IL1RAPL1: variants seen among roughly 807,000 people sequenced by gnomAD.
IL1RAPL1 encodes interleukin 1 receptor accessory protein like 1, also known as interleukin-1 receptor accessory protein-like 1.
IL1RAPL1 carries 3 observed loss-of-function variants against 48.4 expected under a neutral mutation model. The ratio of observed to expected loss-of-function variants is 0.06; its 90% confidence interval spans 0.03 to 0.16. IL1RAPL1 has a LOEUF of 0.16. Among genes scored for constraint, IL1RAPL1 ranks in the 10% least tolerant of loss-of-function variants. IL1RAPL1 has a pLI of 1.00. For synonymous variants in IL1RAPL1, 185 were observed against 187.7 expected, an observed-to-expected ratio of 0.99 and a Z score of 0.12; for missense variants, 349 against 530.6, an observed-to-expected ratio of 0.66 and a Z score of 3.36.
chrX:28,898,268 T>G (rs779533906), intron 2 of IL1RAPL1, among the ~76,000 whole-genome samples: 10 of 112,113 alleles, frequency 8.9e-5, no homozygotes, highest in Non-Finnish European at 1.3e-4. Context: ...GATTTTTAAA[T>G]TTTGATAACC....
intron 8 of IL1RAPL1, among the ~76,000 whole-genome samples, chrX:29,938,924 T>C (rs1490702601): frequency 8.9e-6 from 1 of 112,583 alleles, no homozygotes; most frequent in Non-Finnish European, 1.9e-5. Flanking sequence ...TTACTACTTT[T>C]ATTGCTGAGT....
intron 2 of IL1RAPL1, among the ~76,000 whole-genome samples, chrX:29,115,033 G>T (rs1345238041): frequency 9.0e-6 from 1 of 111,514 alleles, no homozygotes; most frequent in African/African-American, 3.3e-5. Flanking sequence ...CAAATATTTT[G>T]CTCATTTACT....
At chrX:29,605,936 G>A (rs1039131931) in intron 5 of IL1RAPL1, among the ~76,000 whole-genome samples, 4 of 111,845 alleles carry the variant, frequency 3.6e-5, no homozygotes, top group Non-Finnish European at 5.7e-5. Context: ...GATGGATTTC[G>A]AAGACAAATG....
intron 6 of IL1RAPL1, among the ~76,000 whole-genome samples, chrX:29,871,884 G>C (rs1042782876): frequency 9.1e-6 from 1 of 109,971 alleles, no homozygotes; most frequent in Non-Finnish European, 1.9e-5. Flanking sequence ...CCACCACGCC[G>C]GGCTAATTTT....
chrX:29,803,209 GTATA>G (rs775615694), intron 6 of IL1RAPL1, among the ~76,000 whole-genome samples: 2 of 34,287 alleles, frequency 5.8e-5, no homozygotes, highest in African/African-American at 2.7e-4. Context: ...ATACACACAT[GTATA>G]TATGTATACA....
chrX:28,664,084 T>C (rs1318396202), intron 1 of IL1RAPL1, among the ~76,000 whole-genome samples: 2 of 112,341 alleles, frequency 1.8e-5, no homozygotes, highest in African/African-American at 6.5e-5. Flanking sequence ...TGCCTAATCA[T>C]TGCAAAGTAT....
chrX:28,685,163 A>C (rs901257977), intron 1 of IL1RAPL1, among the ~76,000 whole-genome samples: 1 of 112,605 alleles, frequency 8.9e-6, no homozygotes, highest in African/African-American at 3.2e-5. Flanking sequence ...ATCAGCTACA[A>C]TGACTGAATC....
intron 2 of IL1RAPL1, among the ~76,000 whole-genome samples, chrX:29,274,965 C>CTT (rs370707850): frequency 1.9e-5 from 2 of 103,713 alleles, no homozygotes; most frequent in African/African-American, 3.5e-5. Context: ...TTTGCTACTT[C>CTT]TTTTTTTTTT....
intron 2 of IL1RAPL1, among the ~76,000 whole-genome samples, chrX:29,241,132 T>A (rs1931415073): frequency 8.9e-6 from 1 of 111,959 alleles, no homozygotes; most frequent in Non-Finnish European, 1.9e-5. Flanking sequence ...GTTGCAATAG[T>A]TTGGATGATT....
At chrX:28,633,308 T>G (rs1435138279) in intron 1 of IL1RAPL1, among the ~76,000 whole-genome samples, 1 of 111,593 alleles carries the variant, frequency 9.0e-6, no homozygotes, top group Non-Finnish European at 1.9e-5. Context: ...TGGTGGTCCC[T>G]GTAGCACACA....
intron 3 of IL1RAPL1, among the ~76,000 whole-genome samples, chrX:29,352,585 C>G (rs1296286559): frequency 2.7e-5 from 3 of 109,988 alleles, no homozygotes; most frequent in Non-Finnish European, 5.7e-5. Flanking sequence ...GAGGTTCTCT[C>G]CAATTTGAGA....
intron 3 of IL1RAPL1, among the ~76,000 whole-genome samples, chrX:29,330,880 G>A (rs1394906979): frequency 8.9e-6 from 1 of 111,734 alleles, no homozygotes; most frequent in East Asian, 2.8e-4. Flanking sequence ...TAATAATTTT[G>A]ATGAGGCCGG....
chrX:29,347,389 T>G (rs1347152744), intron 3 of IL1RAPL1, among the ~76,000 whole-genome samples: 3 of 104,635 alleles, frequency 2.9e-5, no homozygotes, highest in Non-Finnish European at 5.7e-5. Flanking sequence ...TCTTTTCTTT[T>G]CTTTTTTTTT....
intron 6 of IL1RAPL1, among the ~76,000 whole-genome samples, chrX:29,824,811 T>C (rs983037302): frequency 4.5e-5 from 5 of 110,979 alleles, no homozygotes; most frequent in African/African-American, 1.6e-4. Flanking sequence ...ATAGGGCTAA[T>C]TTACCAGTTG....
chrX:29,179,705 T>C (rs1385131073), intron 2 of IL1RAPL1, among the ~76,000 whole-genome samples: 1 of 111,580 alleles, frequency 9.0e-6, no homozygotes, highest in Non-Finnish European at 1.9e-5. Context: ...TTGAATAGGC[T>C]CTGCTGTGAC....
chrX:29,228,332 A>AGT (rs1555978439), intron 2 of IL1RAPL1, among the ~76,000 whole-genome samples: 3,298 of 79,459 alleles, frequency 0.042, 146 homozygotes, highest in Admixed American at 0.13. Context: ...AGTTTTGCCT[A>AGT]GTGTGTGTGT....
intron 5 of IL1RAPL1, among the ~76,000 whole-genome samples, chrX:29,536,046 C>T (rs1398900309): frequency 2.7e-5 from 3 of 111,760 alleles, no homozygotes; most frequent in Non-Finnish European, 5.7e-5. Flanking sequence ...CAATCATTAA[C>T]CTAAAAAGTA....
intron 2 of IL1RAPL1, among the ~76,000 whole-genome samples, chrX:28,846,640 CATT>C (rs1344667136): frequency 2.1e-4 from 23 of 111,950 alleles, no homozygotes; most frequent in Admixed American, 7.6e-4. Flanking sequence ...AGTGATATCT[CATT>C]GTTGTTGAAG....
chrX:28,716,969 A>G (rs762328412), intron 1 of IL1RAPL1, among the ~76,000 whole-genome samples: 3 of 111,916 alleles, frequency 2.7e-5, no homozygotes, highest in African/African-American at 9.7e-5. Context: ...ACCATCTCAC[A>G]CCAGTCAGAA....
Sources: allele counts gnomAD v4.1 joint callset (sites outside exome capture counted in the v4.1 genomes callset), GRCh38; gene constraint gnomAD v4.1.1; transcripts MANE v1.5; gene names NCBI Gene and HGNC (gene_info 2026-07-23, HGNC 2026-07-21).